TUBD1: variants seen among roughly 807,000 people sequenced by gnomAD.
TUBD1 encodes the protein tubulin delta 1.
In TUBD1, 38 loss-of-function variants were observed where a neutral mutation model predicts 51.2. That is an observed-to-expected ratio of 0.74 (90% CI 0.57 to 0.97). The LOEUF is 0.97. TUBD1 is among the 50% of genes least tolerant of loss of function. The pLI is 0.00. For synonymous variants in TUBD1, 169 were observed against 178.2 expected (o/e 0.95, Z 0.41); for missense variants, 489 against 538.4 (o/e 0.91, Z 0.91).
At chr17:59,885,310 G>T in intron 3 of TUBD1, 2 of 621,882 alleles carry the variant, frequency 3.2e-6, no homozygotes, top group South Asian at 3.1e-5. Flanking sequence ...GAACTGGGGT[G>T]AACCGATGCA....
intron 3 of TUBD1, 141 bp downstream of exon 3, chr17:59,885,941 TG>T: frequency 2.2e-6 from 2 of 911,632 alleles, no homozygotes; most frequent in Non-Finnish European, 3.2e-6. Context: ...AAGTTTCTTC[TG>T]GGTAAAATAA....
intron 6 of TUBD1, 37 bp from the exon 7 acceptor site, chr17:59,866,786 A>G: frequency 6.4e-7 from 1 of 1,555,200 alleles, no homozygotes; most frequent in Middle Eastern, 1.7e-4. Flanking sequence ...GTTTTATTTT[A>G]TTTACTTAGT....
At chr17:59,882,934 G>A (rs2040553924) in intron 3 of TUBD1, among the ~76,000 whole-genome samples, 1 of 111,362 alleles carries the variant, frequency 9.0e-6, no homozygotes, top group African/African-American at 3.0e-5. Context: ...ACAGGCACAG[G>A]CCGCCACGCC....
rs754186775 is a variant in TUBD1, at chr17:59,866,667, G to A, written c.1017C>T (p.Asn339=). 2 of 1,614,096 alleles carry A rather than the reference G, an allele frequency of 1.2e-6. No individual in the cohort carries two copies. The highest frequency in any genetic ancestry group is 1.1e-5 in the South Asian group (1 of 91,076). The change falls in exon 7 of 9, where the codon AAC becomes AAT. Residue 339 remains asparagine (N), a synonymous_variant. Transcript: ENST00000325752. Reference sequence around the variant, plus strand: ...GAATGACCAAGTTAGCAATGGAAGTGTTAAAATGCAGGTCCTTGTTGAGAG... The same window carrying A: ...GAATGACCAAGTTAGCAATGGAAGTATTAAAATGCAGGTCCTTGTTGAGAG... ...KMSLNKDLHF[N]TSIANLVILR... is the part of the protein sequence containing the mutation.
intron 5 of TUBD1, among the ~76,000 whole-genome samples, chr17:59,876,517 G>C (rs1286428983): frequency 6.6e-6 from 1 of 151,866 alleles, no homozygotes; most frequent in Non-Finnish European, 1.5e-5. Context: ...ACCATGCCTG[G>C]CTAATTTTGT....
At chr17:59,865,830 G>A (rs1234081207) in intron 7 of TUBD1, among the ~76,000 whole-genome samples, 1 of 152,102 alleles carries the variant, frequency 6.6e-6, no homozygotes, top group Non-Finnish European at 1.5e-5. Context: ...GGCAAGCCTA[G>A]CTGGGCGCAG....
chr17:59,877,102 C>T (rs192295024), intron 5 of TUBD1, among the ~76,000 whole-genome samples: 1 of 151,858 alleles, frequency 6.6e-6, no homozygotes, highest in Non-Finnish European at 1.5e-5. Flanking sequence ...TCAGGTGATC[C>T]ACCCTCCTCA....
At chr17:59,877,544 G>T (rs1292049) in intron 5 of TUBD1, among the ~76,000 whole-genome samples, 28,978 of 152,144 alleles carry the variant, frequency 0.19, 2,955 homozygotes, top group East Asian at 0.39. Context: ...CACTTTGGAA[G>T]GCCGAGGCGG....
intron 4 of TUBD1, chr17:59,878,678 C>T (rs112733290): frequency 3.3e-4 from 70 of 215,248 alleles, no homozygotes; most frequent in African/African-American, 1.5e-3. Context: ...CAGGGTTTCA[C>T]CATGTTGGCC....
intron 8 of TUBD1, among the ~76,000 whole-genome samples, chr17:59,861,187 C>T (rs2144403957): frequency 8.4e-6 from 1 of 119,342 alleles, no homozygotes; most frequent in Non-Finnish European, 1.6e-5. Flanking sequence ...TCCCTCCCAC[C>T]CCACAAAATT....
chr17:59,881,038 G>A lies in TUBD1; in HGVS notation c.393C>T (p.Asp131=). Residue 131 remains aspartate, a synonymous_variant, in exon 4 of 9, where the codon GAC becomes GAT. Coordinates refer to ENST00000325752, the MANE Select transcript of TUBD1 (RefSeq NM_016261.4). ...NIIRKEVEKC[D]SFSGFFIIMS... is the part of the protein sequence containing the mutation. ...TTATGATGAAAAAACCACTGAAAGA[G>A]TCACATTTCTCCACTTCCTTCCGGA... is the stretch of plus-strand genomic sequence containing the variant. 2 of 1,614,142 alleles carry A rather than the reference G, an allele frequency of 1.2e-6. No homozygotes were observed. Among genetic ancestry groups the A allele is most frequent in the Non-Finnish European group, 8.5e-7 (1 of 1,180,024 alleles).
At chr17:59,892,019 G>A (rs968153997) in intron 1 of TUBD1, 1 of 151,944 alleles carries the variant, frequency 6.6e-6, no homozygotes, top group African/African-American at 2.4e-5. Context: ...CAAAACAAAT[G>A]CTGATTGAAG....
chr17:59,880,505 C>G (rs2040433794), intron 4 of TUBD1, among the ~76,000 whole-genome samples: 1 of 151,928 alleles, frequency 6.6e-6, no homozygotes, highest in African/African-American at 2.4e-5. Context: ...TGAGCACAAT[C>G]TTTATTTTTA....
rs191389736 is a variant in TUBD1 at position 59,881,968 on chromosome 17, C to T, written c.321-858G>A. Among the ~76,000 whole-genome samples the T allele has an allele frequency of 2.9e-3, 434 of 152,176 alleles. 2 individuals carry two copies. The highest frequency in any genetic ancestry group is 4.5e-3 in the Non-Finnish European group (305 of 68,012). ...AGAGGTGTGAGCCACTGCGCCTGGC[C>T]GCTTTTACTATTTTGATATATACAA... On this transcript the variant is annotated intron_variant, in intron 3 of 8. Coordinates refer to ENST00000325752, the MANE Select transcript of TUBD1 (RefSeq NM_016261.4).
chr17:59,879,267 T>TC (rs2040371921), intron 4 of TUBD1, among the ~76,000 whole-genome samples: 2 of 13,914 alleles, frequency 1.4e-4, no homozygotes, highest in African/African-American at 1.9e-4. Flanking sequence ...AAACTCTGTC[T>TC]CAAAAAAAAA....
Position 59,882,713 on chromosome 17 carries a change from C to CA in TUBD1, c.321-1604dup, listed in dbSNP as rs528628876. The stretch of plus-strand genomic sequence containing the variant: ...CAGCCTTGTCTTGACCTCTCAGGCT[C>CA]AAAAAATTATCCCATCTCAGCCTCC... On this transcript the variant is annotated intron_variant, in intron 3 of 8. Coordinates refer to ENST00000325752, the MANE Select transcript of TUBD1 (RefSeq NM_016261.4). Among the ~76,000 whole-genome samples, 95 of 152,060 alleles carry CA rather than the reference C, an allele frequency of 6.2e-4. 1 individual carries two copies. Among genetic ancestry groups the CA allele is most frequent in the African/African-American group, 2.2e-3 (92 of 41,494 alleles).
chr17:59,870,820 T>C (rs1163384708), intron 6 of TUBD1, among the ~76,000 whole-genome samples: 1 of 152,200 alleles, frequency 6.6e-6, no homozygotes, highest in East Asian at 1.9e-4. Flanking sequence ...AAGTCTGCAA[T>C]GTCCGTAAGG....
chr17:59,876,544 A>G (rs990904814), intron 5 of TUBD1, among the ~76,000 whole-genome samples: 2 of 151,002 alleles, frequency 1.3e-5, no homozygotes, highest in African/African-American at 4.9e-5. Flanking sequence ...TTTAGTAGAG[A>G]CAGTGTTTCG....
chr17:59,879,758 CTTT>C (rs563555734), intron 4 of TUBD1, among the ~76,000 whole-genome samples: 1 of 143,624 alleles, frequency 7.0e-6, no homozygotes, highest in African/African-American at 2.5e-5. Flanking sequence ...AAAAATTTTT[CTTT>C]TTTTTTTTAA....
Sources: allele counts gnomAD v4.1 joint callset (sites outside exome capture counted in the v4.1 genomes callset), GRCh38; gene constraint gnomAD v4.1.1; transcripts MANE v1.5; gene names NCBI Gene and HGNC (gene_info 2026-07-23, HGNC 2026-07-21).